STAU2: variants seen among roughly 807,000 people sequenced by gnomAD.
The protein encoded by STAU2 is staufen double-stranded RNA binding protein 2, also known as double-stranded RNA-binding protein Staufen homolog 2.
STAU2 carries 20 observed loss-of-function variants against 65.9 expected under a neutral mutation model. The observed-to-expected ratio is 0.30, with a 90% CI of 0.21 to 0.44. STAU2 has a LOEUF of 0.44. Among genes scored for constraint, STAU2 ranks in the 20% least tolerant of loss-of-function variants. STAU2 has a pLI of 1.00. For missense variants in STAU2, 558 were observed against 683.9 expected (o/e 0.82, Z 2.05); for synonymous variants, 232 against 233.9 (o/e 0.99, Z 0.07).
At chr8:73,714,783 T>C (rs1821126552) in intron 3 of STAU2, among the ~76,000 whole-genome samples, 1 of 152,058 alleles carries the variant, frequency 6.6e-6, no homozygotes, top group Non-Finnish European at 1.5e-5. Flanking sequence ...AAGAAATACT[T>C]GCAATATGTG....
chr8:73,644,291 A>T (rs371070173), intron 6 of STAU2, among the ~76,000 whole-genome samples: 1 of 152,300 alleles, frequency 6.6e-6, no homozygotes, highest in South Asian at 2.1e-4. Context: ...AACACTAAAT[A>T]CATAGATCAG....
Position 73,421,207 on chromosome 8 carries a change from T to C in STAU2, c.*165A>G. The C allele has an allele frequency of 1.7e-6, 1 of 580,166 alleles. No homozygotes were observed. The highest frequency in any genetic ancestry group is 2.7e-5 in the South Asian group (1 of 37,034). The allele number at this position is 580,166 out of a possible 1,614,324, so 35.9% of individuals were successfully genotyped here. A position where few individuals can be genotyped will look rare whatever the true frequency, so the allele number is the denominator to read the frequency against. ...TGCTCAAAGTTTTATTTTTCCCCAG[T>C]TGAATAAACAGTACCATGTATATTA... On this transcript the variant is annotated 3_prime_UTR_variant, in exon 15 of 15. Transcript: ENST00000524300.
intron 9 of STAU2, among the ~76,000 whole-genome samples, chr8:73,609,652 C>T (rs975808910): frequency 1.3e-5 from 2 of 151,184 alleles, no homozygotes; most frequent in Admixed American, 6.6e-5. Context: ...GACCCTGTCT[C>T]AATTAAAAAA....
chr8:73,678,437 G>A (rs1818168151), intron 5 of STAU2, among the ~76,000 whole-genome samples: 1 of 151,998 alleles, frequency 6.6e-6, no homozygotes, highest in Non-Finnish European at 1.5e-5. Flanking sequence ...ATTCCCTCTG[G>A]CTAAAATATT....
At position 73,608,161 on chromosome 8, in the gene STAU2, C is replaced by G. The variant is rs192026596; in HGVS notation, c.892-4298G>C. 3.1e-3 allele frequency among the ~76,000 whole-genome samples: 479 copies of G among 152,248 alleles called. 12 individuals carry two copies. The highest frequency in any genetic ancestry group is 0.028 in the Admixed American group (422 of 15,286). On this transcript the variant is annotated intron_variant, in intron 9 of 14. Transcript: ENST00000524300. ...GCATGATATGATTAGACAGGTGTCT[C>G]TAAAAGATCATACTTTTTAAACGAT...
intron 13 of STAU2, among the ~76,000 whole-genome samples, chr8:73,549,233 A>T (rs1807150581): frequency 6.6e-6 from 1 of 152,202 alleles, no homozygotes; most frequent in African/African-American, 2.4e-5. Flanking sequence ...TGAAGTTCAC[A>T]GAACTACTGA....
At chr8:73,552,441 A>T (rs1807402076) in intron 12 of STAU2, 122 bp from the exon 13 acceptor site, 1 of 854,292 alleles carries the variant, frequency 1.2e-6, no homozygotes, top group South Asian at 2.0e-5. Context: ...CTGCCAAACA[A>T]GTATCTTTGT....
At chr8:73,574,362 T>C (rs1382494282) in intron 12 of STAU2, among the ~76,000 whole-genome samples, 1 of 152,034 alleles carries the variant, frequency 6.6e-6, no homozygotes, top group African/African-American at 2.4e-5. Context: ...TCGTCAAGAG[T>C]CTAGAACTAG....
chr8:73,487,114 C>G (rs894467611), intron 13 of STAU2, among the ~76,000 whole-genome samples: 1 of 152,132 alleles, frequency 6.6e-6, no homozygotes, highest in Non-Finnish European at 1.5e-5. Flanking sequence ...GCTCTTGTGA[C>G]ATTATCCAAG....
chr8:73,733,882 T>A (rs898481082), intron 3 of STAU2, among the ~76,000 whole-genome samples: 6 of 152,182 alleles, frequency 3.9e-5, no homozygotes, highest in African/African-American at 1.4e-4. Context: ...AAAATCCACA[T>A]ACATCTTTGA....
chr8:73,448,198 G>T (rs1818581098), intron 13 of STAU2, among the ~76,000 whole-genome samples: 1 of 152,190 alleles, frequency 6.6e-6, no homozygotes, highest in Non-Finnish European at 1.5e-5. Context: ...GAAGGCAAAT[G>T]TTGGCATAAT....
intron 6 of STAU2, among the ~76,000 whole-genome samples, chr8:73,620,914 C>A (rs7000169): frequency 0.19 from 29,088 of 151,946 alleles, 2,986 homozygotes; most frequent in East Asian, 0.36. Context: ...TAATTGCATC[C>A]AGATTGAATT....
chr8:73,690,271 G>A (rs1191376465), intron 4 of STAU2, among the ~76,000 whole-genome samples: 3 of 142,826 alleles, frequency 2.1e-5, no homozygotes, highest in African/African-American at 7.9e-5. Context: ...GGAGCTTGCA[G>A]TGAGCCGAGA....
At chr8:73,433,186 T>G (rs1817428475) in intron 13 of STAU2, among the ~76,000 whole-genome samples, 1 of 152,138 alleles carries the variant, frequency 6.6e-6, no homozygotes, top group African/African-American at 2.4e-5. Flanking sequence ...CCTTTTCAAA[T>G]TCCTGGGTTT....
At chr8:73,577,441 T>TTATATATATA (rs369079649) in intron 12 of STAU2, among the ~76,000 whole-genome samples, 5 of 145,114 alleles carry the variant, frequency 3.4e-5, no homozygotes, top group African/African-American at 1.0e-4. Context: ...AAAAAAAAAA[T>TTATATATATA]TATATATATA....
chr8:73,627,755 TAAAAA>T (rs10540688), intron 6 of STAU2, among the ~76,000 whole-genome samples: 1 of 143,952 alleles, frequency 6.9e-6, no homozygotes, highest in Non-Finnish European at 1.5e-5. Flanking sequence ...TAAACCTTGT[TAAAAA>T]AAAAAAAAAA....
Position 73,420,669 on chromosome 8 carries a change from T to TG in STAU2, c.*702_*703insC. On this transcript the variant is annotated 3_prime_UTR_variant, in exon 15 of 15. Coordinates refer to ENST00000524300, the MANE Select transcript of STAU2 (RefSeq NM_001164380.2). ...AAGACGCCCCCTTACTTGCTAAGAG[T>TG]ATATGGAGCTCAAAACCCACAATTG... The TG allele has an allele frequency of 6.3e-6, 1 of 159,544 alleles. No homozygotes were observed. The highest frequency in any genetic ancestry group is 6.0e-5 in the Admixed American group (1 of 16,736). The allele number at this position is 159,544 out of a possible 1,614,324, so 9.9% of individuals were successfully genotyped here.
At chr8:73,465,965 G>A (rs369152199) in intron 13 of STAU2, among the ~76,000 whole-genome samples, 8 of 152,292 alleles carry the variant, frequency 5.3e-5, no homozygotes, top group South Asian at 4.1e-4. Context: ...ACAGGCGCAC[G>A]CCACCACGCC....
chr8:73,642,069 TC>T (rs1815021620), intron 6 of STAU2, among the ~76,000 whole-genome samples: 1 of 152,242 alleles, frequency 6.6e-6, no homozygotes, highest in Non-Finnish European at 1.5e-5. Flanking sequence ...CCTAGTTTCT[TC>T]AACACTTAGG....
Sources: allele counts gnomAD v4.1 joint callset (sites outside exome capture counted in the v4.1 genomes callset), GRCh38; gene constraint gnomAD v4.1.1; transcripts MANE v1.5; gene names NCBI Gene and HGNC (gene_info 2026-07-23, HGNC 2026-07-21).